The following CSTF3 variants were observed in gnomAD, a reference collection of about 807,000 sequenced individuals.
CSTF3 encodes the protein CF-1 77 kDa subunit.
A neutral mutation model predicts 105.8 loss-of-function variants in CSTF3; 29 were observed. The ratio of observed to expected loss-of-function variants is 0.27; its 90% CI spans 0.20 to 0.37. CSTF3 has a LOEUF of 0.37. CSTF3 is among the 10% of genes least tolerant of loss of function. The probability of loss-of-function intolerance (pLI) is 1.00; values close to 1 mark genes in which losing one functional copy is unlikely to be tolerated. For missense variants in CSTF3, 357 were observed against 879.3 expected (o/e 0.41, Z 7.51); for synonymous variants, 252 against 281.9 (o/e 0.89, Z 1.06).
At chr11:33,115,391 C>T (rs1339732456) in intron 3 of CSTF3, among the ~76,000 whole-genome samples, 1 of 152,116 alleles carries the variant, frequency 6.6e-6, no homozygotes. Context: ...GAATACAAGT[C>T]GTTTTAAGGA....
chr11:33,128,261 T>C (rs1855564899), intron 3 of CSTF3, among the ~76,000 whole-genome samples: 1 of 152,154 alleles, frequency 6.6e-6, no homozygotes, highest in Admixed American at 6.5e-5. Context: ...TACTGTCATA[T>C]TTTCCTCAAT....
intron 16 of CSTF3, among the ~76,000 whole-genome samples, chr11:33,091,682 T>C (rs1590261952): frequency 6.6e-6 from 1 of 152,156 alleles, no homozygotes; most frequent in Non-Finnish European, 1.5e-5. Flanking sequence ...CATGTTAATA[T>C]CAATTTCTAG....
intron 1 of CSTF3, among the ~76,000 whole-genome samples, chr11:33,160,764 TAAAAG>T (rs1026911211): frequency 1.7e-4 from 26 of 152,188 alleles, no homozygotes; most frequent in South Asian, 1.0e-3. Context: ...GAAATGTGGC[TAAAAG>T]AAAAGAAAAC....
intron 3 of CSTF3, among the ~76,000 whole-genome samples, chr11:33,122,687 G>A (rs111385356): frequency 1.3e-5 from 2 of 152,022 alleles, no homozygotes; most frequent in African/African-American, 4.8e-5. Context: ...GGCCAAGGCT[G>A]GTGGTTAGAC....
chr11:33,127,678 A>G (rs1855557416), intron 3 of CSTF3, among the ~76,000 whole-genome samples: 1 of 152,190 alleles, frequency 6.6e-6, no homozygotes, highest in Non-Finnish European at 1.5e-5. Context: ...CCCAGGCTAG[A>G]GTGCAATGGC....
intron 1 of CSTF3, chr11:33,144,977 TA>T (rs563857896): frequency 0.14 from 19,604 of 142,244 alleles, 2,829 homozygotes; most frequent in African/African-American, 0.38. Context: ...ACCCTGTCTT[TA>T]AAAAAAAAAA....
intron 1 of CSTF3, among the ~76,000 whole-genome samples, chr11:33,155,161 C>T (rs1849846280): frequency 6.6e-6 from 1 of 151,944 alleles, no homozygotes; most frequent in South Asian, 2.1e-4. Context: ...TCAAGACCAT[C>T]CTGGCTAACA....
intron 15 of CSTF3, among the ~76,000 whole-genome samples, chr11:33,094,959 C>T (rs1172661020): frequency 3.3e-5 from 5 of 152,226 alleles, no homozygotes; most frequent in East Asian, 1.9e-4. Context: ...AGTACAATGG[C>T]GCAATCTCGG....
intron 15 of CSTF3, among the ~76,000 whole-genome samples, chr11:33,093,662 G>A (rs998618899): frequency 6.6e-6 from 1 of 151,860 alleles, no homozygotes; most frequent in African/African-American, 2.4e-5. Context: ...TTGAAATCTG[G>A]TATGTATTTA....
chr11:33,131,012 AGAGT>A (rs1855593347), intron 3 of CSTF3, among the ~76,000 whole-genome samples: 1 of 152,190 alleles, frequency 6.6e-6, no homozygotes, highest in Admixed American at 6.5e-5. Context: ...CCTGGGCAAC[AGAGT>A]GAGACCCTGT....
rs572042628 is a variant in CSTF3 at position 33,147,603 on chromosome 11, A to G, written c.28-5617T>C. ...AAAAAAAAAAAGAAATTTTACGTAA[A>G]CTAGAATTTCAGTCTTGAGATACCG... On this transcript the variant is annotated intron_variant, in intron 1 of 20. Coordinates refer to ENST00000323959, the MANE Select transcript of CSTF3 (RefSeq NM_001326.3). Among the ~76,000 whole-genome samples, 18 of 152,196 alleles carry G rather than the reference A, an allele frequency of 1.2e-4. No individual in the cohort carries two copies. The South Asian group carries it at 3.3e-3, about 28-fold the overall frequency.
At chr11:33,141,570 C>G in intron 3 of CSTF3, 97 bp downstream of exon 3, 1 of 1,433,716 alleles carries the variant, frequency 7.0e-7, no homozygotes, top group Non-Finnish European at 9.1e-7. Flanking sequence ...ACATTTAAAT[C>G]CTCCTTGTCC....
chr11:33,118,081 ATTT>A (rs200228683), intron 3 of CSTF3, among the ~76,000 whole-genome samples: 1 of 142,446 alleles, frequency 7.0e-6, no homozygotes, highest in Non-Finnish European at 1.5e-5. Context: ...CAGATTAGGG[ATTT>A]TTTTTTTTTT....
At chr11:33,141,430 A>G in intron 3 of CSTF3, 1 of 1,272,744 alleles carries the variant, frequency 7.9e-7, no homozygotes, top group Non-Finnish European at 9.9e-7. Context: ...AAGCACTCCA[A>G]TACCATTGAA....
At chr11:33,141,308 T>C in intron 3 of CSTF3, 1 of 310,654 alleles carries the variant, frequency 3.2e-6, no homozygotes, top group Non-Finnish European at 5.1e-6. Flanking sequence ...TTCTGTATTT[T>C]CATATACTCC....
At chr11:33,120,672 GTTT>G (rs1304088065) in intron 3 of CSTF3, among the ~76,000 whole-genome samples, 2 of 151,878 alleles carry the variant, frequency 1.3e-5, no homozygotes, top group East Asian at 3.9e-4. Context: ...AAGGCATAAC[GTTT>G]TTTATTTCAC....
At chr11:33,103,544 G>A (rs1347966990) in intron 8 of CSTF3, among the ~76,000 whole-genome samples, 3 of 152,140 alleles carry the variant, frequency 2.0e-5, no homozygotes, top group African/African-American at 7.2e-5. Flanking sequence ...GAGTTGGGTG[G>A]ATCACTTGAG....
intron 18 of CSTF3, 40 bp downstream of exon 18, chr11:33,086,948 A>C (rs576868118): frequency 2.5e-5 from 41 of 1,613,290 alleles, no homozygotes; most frequent in South Asian, 1.1e-4. Context: ...ATCAACAAAC[A>C]AACCAACGTC....
At chr11:33,161,239 G>C in intron 1 of CSTF3, 60 bp downstream of exon 1, 1 of 1,596,522 alleles carries the variant, frequency 6.3e-7, no homozygotes, top group East Asian at 2.2e-5. Context: ...GTCTGGAGCA[G>C]TCGGAGGAAC....
Sources: gnomAD v4.1 joint callset for allele counts (sites outside exome capture counted in the v4.1 genomes callset) on GRCh38, gnomAD v4.1.1 for gene constraint, MANE v1.5 for transcripts, NCBI Gene and HGNC (gene_info 2026-07-23, HGNC 2026-07-21) for gene names.